Variants in ORC3 observed in about 807,000 individuals in gnomAD.
ORC3 encodes origin recognition complex subunit 3.
ORC3 carries 78 observed loss-of-function variants against 100.7 expected under a neutral mutation model. That is an observed-to-expected ratio of 0.77 (90% CI 0.65 to 0.94). The LOEUF (loss-of-function observed/expected upper bound fraction) is 0.94. ORC3 is among the 40% of genes least tolerant of loss of function. The pLI is 0.00. For synonymous variants in ORC3, 295 were observed against 289.3 expected (o/e 1.02, Z -0.20); for missense variants, 789 against 823.9 (o/e 0.96, Z 0.52).
chr6:87,677,761 G>A, the ORC3 span: 1 of 1,555,494 alleles, frequency 6.4e-7, no homozygotes, highest in South Asian at 1.2e-5. Flanking sequence ...AGTACACGTG[G>A]AAAATGCATT....
chr6:87,674,674 CTG>C, the ORC3 span, among the ~76,000 whole-genome samples: 1 of 139,430 alleles, frequency 7.2e-6, no homozygotes, highest in African/African-American at 3.0e-5. Context: ...TGGGGTTTCA[CTG>C]TGTTAGCCAG....
chr6:87,602,954 A>AATATATATATATATATATATTATATAT (rs397935596), intron 3 of ORC3, among the ~76,000 whole-genome samples: 4 of 95,298 alleles, frequency 4.2e-5, no homozygotes, highest in African/African-American at 1.7e-4. Flanking sequence ...ACACATATAT[A>AATATATATATATATATATATTATATAT]ATATATATAT....
chr6:87,672,185 G>C (rs1302751826), downstream of ORC3, among the ~76,000 whole-genome samples: 3 of 152,016 alleles, frequency 2.0e-5, no homozygotes, highest in East Asian at 5.8e-4. Context: ...TTTTCTGTTT[G>C]AATTTCTTTT....
At chr6:87,656,081 A>G (rs2128291788) in intron 14 of ORC3, among the ~76,000 whole-genome samples, 1 of 152,284 alleles carries the variant, frequency 6.6e-6, no homozygotes, top group South Asian at 2.1e-4. Context: ...TATGCTCTCT[A>G]GAAGGAGCAC....
intron 16 of ORC3, among the ~76,000 whole-genome samples, chr6:87,661,834 G>A (rs765607948): frequency 6.6e-6 from 1 of 152,134 alleles, no homozygotes; most frequent in Non-Finnish European, 1.5e-5. Flanking sequence ...TATGGGTTAT[G>A]TGTGCCAAAG....
chr6:87,607,553 G>A, intron 5 of ORC3, 120 bp from the exon 6 acceptor site: 1 of 655,094 alleles, frequency 1.5e-6, no homozygotes, highest in South Asian at 2.1e-5. Flanking sequence ...TTGATGGTAA[G>A]TATAAAAAAA....
At chr6:87,676,901 C>G in the ORC3 span, among the ~76,000 whole-genome samples, 2,132 of 151,474 alleles carry the variant, frequency 0.014, 45 homozygotes, top group African/African-American at 0.049. Context: ...ACGGTGAAAC[C>G]CTGTCTCTAC....
At chr6:87,640,132 C>G (rs1021767654) in intron 13 of ORC3, among the ~76,000 whole-genome samples, 3 of 95,222 alleles carry the variant, frequency 3.2e-5, no homozygotes, top group African/African-American at 1.5e-4. Context: ...GGAATGTGTC[C>G]CCTTCTTCAG....
At chr6:87,632,209 G>A (rs945346375) in intron 11 of ORC3, among the ~76,000 whole-genome samples, 1 of 152,130 alleles carries the variant, frequency 6.6e-6, no homozygotes, top group Admixed American at 6.5e-5. Flanking sequence ...ATAAGTAAAG[G>A]CAGATACATA....
At chr6:87,677,721 A>G in the ORC3 span, 3 of 1,388,362 alleles carry the variant, frequency 2.2e-6, no homozygotes, top group Admixed American at 6.1e-5. Flanking sequence ...CAGAGAATAT[A>G]CCGCACCAGT....
chr6:87,658,874 C>T (rs1440687657), intron 16 of ORC3, among the ~76,000 whole-genome samples: 1 of 151,842 alleles, frequency 6.6e-6, no homozygotes, highest in Non-Finnish European at 1.5e-5. Flanking sequence ...TTTAGGAAAC[C>T]CAGATCATTC....
intron 2 of ORC3, among the ~76,000 whole-genome samples, chr6:87,601,544 C>CAG (rs1777898491): frequency 6.6e-6 from 1 of 152,032 alleles, no homozygotes; most frequent in Admixed American, 6.5e-5. Flanking sequence ...GTGGCACGTG[C>CAG]CTGTAGTCAC....
rs187175499 is a variant in ORC3 at position 87,637,741 on chromosome 6, T to C, written c.1382+1255T>C. Among the ~76,000 whole-genome samples the C allele has an allele frequency of 1.4e-3, 207 of 152,288 alleles. 1 individual carries two copies. Among genetic ancestry groups the C allele is most frequent in the South Asian group, 9.5e-3 (46 of 4,818 alleles). On this transcript the variant is annotated intron_variant, in intron 13 of 19. Coordinates refer to ENST00000392844, the MANE Select transcript of ORC3 (RefSeq NM_012381.4). Reference sequence around the variant, plus strand: ...GTTCTGAACCTCCCAACACCAGTTGTCTTAGGGTACAGTCAAGAACCAAGA... The same window carrying C: ...GTTCTGAACCTCCCAACACCAGTTGCCTTAGGGTACAGTCAAGAACCAAGA...
At chr6:87,638,114 CA>C (rs1323148695) in intron 13 of ORC3, among the ~76,000 whole-genome samples, 3 of 152,032 alleles carry the variant, frequency 2.0e-5, no homozygotes, top group Admixed American at 2.0e-4. Flanking sequence ...ACAGCAGAAG[CA>C]AAAAATAGAA....
At chr6:87,651,121 C>G in intron 13 of ORC3, 1 of 455,234 alleles carries the variant, frequency 2.2e-6, no homozygotes, top group South Asian at 1.6e-5. Flanking sequence ...ATGAAGTTTG[C>G]TTCCAAAGTT....
the ORC3 span, among the ~76,000 whole-genome samples, chr6:87,673,784 T>C: frequency 6.6e-6 from 1 of 150,648 alleles, no homozygotes; most frequent in Non-Finnish European, 1.5e-5. Context: ...GAGGTTACAG[T>C]GAGCCGAGAT....
At chr6:87,653,342 TAA>T in intron 14 of ORC3, 93 bp downstream of exon 14, 1 of 1,164,386 alleles carries the variant, frequency 8.6e-7, no homozygotes, top group Non-Finnish European at 1.2e-6. Flanking sequence ...TGCTTAGAGA[TAA>T]AGAGATAAAG....
the ORC3 span, among the ~76,000 whole-genome samples, chr6:87,676,594 AAAACACAC>A: frequency 1.5e-5 from 1 of 66,004 alleles, no homozygotes; most frequent in Non-Finnish European, 2.7e-5. Flanking sequence ...GTCTCTACTA[AAAACACAC>A]ACACACACAC....
At chr6:87,665,715 T>C in intron 18 of ORC3, 39 bp from the exon 19 acceptor site, 2 of 1,261,816 alleles carry the variant, frequency 1.6e-6, no homozygotes, top group Non-Finnish European at 2.3e-6. Context: ...TTGGCAACTG[T>C]AGACATTTTT....
Sources: allele counts gnomAD v4.1 joint callset (sites outside exome capture counted in the v4.1 genomes callset), GRCh38; gene constraint gnomAD v4.1.1; transcripts MANE v1.5; gene names NCBI Gene and HGNC (gene_info 2026-07-23, HGNC 2026-07-21).